Variants in LRP1B observed in about 807,000 individuals in gnomAD.
The protein encoded by LRP1B is low-density lipoprotein receptor-related protein 1B.
In LRP1B, 217 loss-of-function variants were observed where a neutral mutation model predicts 556.6. The observed-to-expected ratio is 0.39, with a 90% CI of 0.35 to 0.44. The LOEUF is 0.44. LRP1B is among the 20% of genes least tolerant of loss of function. The probability of loss-of-function intolerance (pLI) is 1.00; values close to 1 mark genes in which losing one functional copy is unlikely to be tolerated. For synonymous variants in LRP1B, 2,047 were observed against 1,865.8 expected (o/e 1.10, Z -2.50); for missense variants, 5,053 against 5,620.8 (o/e 0.90, Z 3.23).
chr2:141,480,727 A>C (rs1221345168), intron 2 of LRP1B, among the ~76,000 whole-genome samples, 194 bp from the exon 3 acceptor site: 1 of 152,216 alleles, frequency 6.6e-6, no homozygotes. Context: ...CTGCATAGGA[A>C]AGGAAATATG....
chr2:140,657,041 C>T (rs1431604644), intron 41 of LRP1B, among the ~76,000 whole-genome samples: 3 of 152,012 alleles, frequency 2.0e-5, no homozygotes, highest in Admixed American at 6.6e-5. Context: ...CAATATTTTA[C>T]AGAGCTTCTA....
At chr2:141,916,181 G>T (rs1207848764) in intron 1 of LRP1B, among the ~76,000 whole-genome samples, 4 of 152,052 alleles carry the variant, frequency 2.6e-5, no homozygotes, top group Non-Finnish European at 5.9e-5. Context: ...TCTGGGTGCT[G>T]ATGGCTGGTG....
intron 7 of LRP1B, among the ~76,000 whole-genome samples, chr2:141,140,729 C>A (rs983099430): frequency 1.1e-4 from 17 of 152,158 alleles, no homozygotes; most frequent in Non-Finnish European, 2.5e-4. Flanking sequence ...AAATTAATTT[C>A]TGTTGTTTAA....
intron 58 of LRP1B, among the ~76,000 whole-genome samples, chr2:140,485,841 G>GCACA (rs879704162): frequency 8.4e-4 from 46 of 54,780 alleles, no homozygotes; most frequent in South Asian, 1.9e-3. Context: ...AAATTCTCAC[G>GCACA]CACATACACA....
intron 59 of LRP1B, among the ~76,000 whole-genome samples, chr2:140,480,071 A>T (rs1325147555): frequency 6.6e-6 from 1 of 152,192 alleles, no homozygotes; most frequent in Non-Finnish European, 1.5e-5. Context: ...AGGCACAAAA[A>T]ATGATTAAGA....
intron 66 of LRP1B, among the ~76,000 whole-genome samples, chr2:140,400,367 C>T (rs1051322224): frequency 6.6e-6 from 1 of 152,138 alleles, no homozygotes; most frequent in African/African-American, 2.4e-5. Flanking sequence ...CACTATCTCC[C>T]AGAGTTTCCT....
At chr2:141,851,631 G>A (rs1697860006) in intron 1 of LRP1B, among the ~76,000 whole-genome samples, 1 of 151,716 alleles carries the variant, frequency 6.6e-6, no homozygotes, top group Non-Finnish European at 1.5e-5. Flanking sequence ...GATGGGCATT[G>A]AGTACCTTAC....
chr2:141,093,393 G>A (rs1700219085), intron 7 of LRP1B, among the ~76,000 whole-genome samples: 1 of 152,120 alleles, frequency 6.6e-6, no homozygotes, highest in African/African-American at 2.4e-5. Flanking sequence ...GATTGAGAAG[G>A]AATGGTGTAA....
intron 45 of LRP1B, among the ~76,000 whole-genome samples, chr2:140,540,556 T>A (rs1680095528): frequency 6.6e-6 from 1 of 152,232 alleles, no homozygotes; most frequent in Non-Finnish European, 1.5e-5. Context: ...TTCTCTCTCA[T>A]TTACATACTA....
intron 1 of LRP1B, among the ~76,000 whole-genome samples, chr2:141,817,750 C>G (rs931418542): frequency 6.6e-6 from 1 of 151,996 alleles, no homozygotes; most frequent in Non-Finnish European, 1.5e-5. Context: ...TGCCATTTTT[C>G]CTAAAAGTTC....
chr2:141,201,617 G>C (rs1682025289), intron 6 of LRP1B, among the ~76,000 whole-genome samples: 1 of 151,968 alleles, frequency 6.6e-6, no homozygotes, highest in Non-Finnish European at 1.5e-5. Flanking sequence ...TATTACATAT[G>C]TTTTTATACA....
chr2:140,704,143 C>T (rs1686744277), intron 37 of LRP1B, among the ~76,000 whole-genome samples: 1 of 152,072 alleles, frequency 6.6e-6, no homozygotes, highest in African/African-American at 2.4e-5. Flanking sequence ...TCCCTTTTTC[C>T]TGCAGCCTCG....
At chr2:141,654,333 G>A (rs1167595926) in intron 2 of LRP1B, among the ~76,000 whole-genome samples, 4 of 152,200 alleles carry the variant, frequency 2.6e-5, no homozygotes, top group Non-Finnish European at 5.9e-5. Flanking sequence ...TAGAATCACT[G>A]TAATTTCAAG....
chr2:140,797,531 T>G (rs1281174512), intron 32 of LRP1B, among the ~76,000 whole-genome samples: 1 of 152,052 alleles, frequency 6.6e-6, no homozygotes, highest in Non-Finnish European at 1.5e-5. Flanking sequence ...TTGGGTATAA[T>G]AAATTGGAAA....
At chr2:141,476,896 G>T (rs1174228113) in intron 3 of LRP1B, among the ~76,000 whole-genome samples, 1 of 152,168 alleles carries the variant, frequency 6.6e-6, no homozygotes, top group Non-Finnish European at 1.5e-5. Context: ...TGCTGAGGCG[G>T]GTGGATCACC....
intron 1 of LRP1B, among the ~76,000 whole-genome samples, chr2:142,007,751 G>A (rs1205262321): frequency 6.6e-6 from 1 of 152,020 alleles, no homozygotes; most frequent in South Asian, 2.1e-4. Flanking sequence ...ATAAATAGAC[G>A]GTAGGACTCT....
chr2:140,434,173 G>A (rs911325784), intron 66 of LRP1B, among the ~76,000 whole-genome samples: 2 of 151,924 alleles, frequency 1.3e-5, no homozygotes, highest in South Asian at 2.1e-4. Flanking sequence ...GGGTTCAAAC[G>A]ATTCTCCTGC....
chr2:141,383,007 T>C (rs578196564), intron 3 of LRP1B, among the ~76,000 whole-genome samples: 1 of 152,294 alleles, frequency 6.6e-6, no homozygotes, highest in South Asian at 2.1e-4. Context: ...CAAAATACAG[T>C]AGTAACTCAT....
At position 142,115,556 on chromosome 2, in the gene LRP1B, A is replaced by ATGTAATATAT. The variant is rs1559079692; in HGVS notation, c.82+15091_82+15092insATATATTACA. On this transcript the variant is annotated intron_variant, in intron 1 of 90. Transcript: ENST00000389484. ...ATATTACATATGTAATATATATATT[A>ATGTAATATAT]TATATGTAATATATATTATATATGT... Among the ~76,000 whole-genome samples the ATGTAATATAT allele has an allele frequency of 3.5e-5, 2 of 56,366 alleles. 1 individual carries two copies. Among genetic ancestry groups the ATGTAATATAT allele is most frequent in the Non-Finnish European group, 6.5e-5 (2 of 30,626 alleles). 37.0% of individuals were successfully genotyped at this position (56,366 alleles called of 152,430 possible). A position where few individuals can be genotyped will look rare whatever the true frequency, so the allele number is the denominator to read the frequency against.
Sources: allele counts gnomAD v4.1 joint callset (sites outside exome capture counted in the v4.1 genomes callset), GRCh38; gene constraint gnomAD v4.1.1; transcripts MANE v1.5; gene names NCBI Gene and HGNC (gene_info 2026-07-23, HGNC 2026-07-21).